PTK2: variants seen among roughly 807,000 people sequenced by gnomAD.
PTK2 encodes the protein focal adhesion kinase 1.
In PTK2, 45 loss-of-function variants were observed where a neutral mutation model predicts 150.1. The observed-to-expected ratio is 0.30, with a 90% CI of 0.24 to 0.38. The LOEUF is 0.38. Among genes scored for constraint, PTK2 ranks in the 10% least tolerant of loss-of-function variants. PTK2 has a pLI of 1.00. For synonymous variants in PTK2, 432 were observed against 449.2 expected, an observed-to-expected ratio of 0.96 and a Z score of 0.48; for missense variants, 919 against 1,307.3, an observed-to-expected ratio of 0.70 and a Z score of 4.58.
chr8:140,849,485 G>A (rs756030550), intron 5 of PTK2, among the ~76,000 whole-genome samples: 1 of 152,170 alleles, frequency 6.6e-6, no homozygotes, highest in Non-Finnish European at 1.5e-5. Context: ...GCTATCATTT[G>A]TGAAACCAAA....
rs550819349 is a variant in PTK2 at position 140,803,899 on chromosome 8, G to C, written c.868-249C>G. Among the ~76,000 whole-genome samples, 5 of 152,344 alleles carry C rather than the reference G, an allele frequency of 3.3e-5. No homozygotes were observed. In the East Asian group the frequency reaches 9.6e-4, roughly 29 times the overall value. On this transcript the variant is annotated intron_variant, in intron 10 of 31. Coordinates refer to ENST00000522684, the Ensembl canonical transcript of PTK2. Reference sequence around the variant, plus strand: ...AGACCCATACATGAGTTGGATGAGTGAGAGTACAGTTACCACTGAGAGAGA... The same window carrying C: ...AGACCCATACATGAGTTGGATGAGTCAGAGTACAGTTACCACTGAGAGAGA...
At chr8:140,782,941 G>T (rs941792489) in intron 14 of PTK2, among the ~76,000 whole-genome samples, 1 of 152,054 alleles carries the variant, frequency 6.6e-6, no homozygotes, top group African/African-American at 2.4e-5. Flanking sequence ...TCAAGCTTTA[G>T]AAATGAGTCA....
intron 12 of PTK2, among the ~76,000 whole-genome samples, chr8:140,796,963 T>C (rs780297226): frequency 6.6e-6 from 1 of 152,212 alleles, no homozygotes; most frequent in Non-Finnish European, 1.5e-5. Flanking sequence ...CATGTATGCA[T>C]ACTCCCTCAT....
intron 22 of PTK2, among the ~76,000 whole-genome samples, chr8:140,731,610 C>T (rs1048689054): frequency 2.0e-5 from 3 of 152,060 alleles, no homozygotes; most frequent in Non-Finnish European, 4.4e-5. Context: ...AACAAATATA[C>T]AAGGCTGGGC....
chr8:140,693,029 G>C (rs2100024132), intron 26 of PTK2, among the ~76,000 whole-genome samples: 1 of 151,804 alleles, frequency 6.6e-6, no homozygotes, highest in African/African-American at 2.4e-5. Flanking sequence ...TTTAAGCATA[G>C]TATCACATTA....
chr8:140,956,516 T>C (rs2100181271), intron 1 of PTK2, among the ~76,000 whole-genome samples: 1 of 152,228 alleles, frequency 6.6e-6, no homozygotes, highest in Admixed American at 6.5e-5. Flanking sequence ...CACTTTTAAT[T>C]ATCATTGTAG....
intron 17 of PTK2, among the ~76,000 whole-genome samples, chr8:140,750,778 T>C (rs960057184): frequency 5.9e-5 from 9 of 152,036 alleles, no homozygotes; most frequent in African/African-American, 2.2e-4. Context: ...GTCAGAGGAA[T>C]GGAGGTGGAG....
chr8:140,835,954 T>C (rs1283119373), intron 7 of PTK2, among the ~76,000 whole-genome samples: 1 of 151,758 alleles, frequency 6.6e-6, no homozygotes, highest in East Asian at 1.9e-4. Context: ...GGGGAGTGAG[T>C]ACTCCCTGTG....
intron 4 of PTK2, among the ~76,000 whole-genome samples, chr8:140,877,421 T>TA (rs762552354): frequency 1.3e-5 from 2 of 152,198 alleles, no homozygotes; most frequent in Non-Finnish European, 2.9e-5. Context: ...ATCTAATTTT[T>TA]AAAACCTGTA....
chr8:140,660,335 G>C (rs1487488097), intron 31 of PTK2, among the ~76,000 whole-genome samples: 2 of 152,148 alleles, frequency 1.3e-5, no homozygotes, highest in African/African-American at 4.8e-5. Context: ...TAGTCTCCAA[G>C]CCAGGACAAA....
intron 1 of PTK2, among the ~76,000 whole-genome samples, chr8:140,990,002 G>A (rs1434532105): frequency 2.6e-5 from 4 of 152,084 alleles, no homozygotes; most frequent in Non-Finnish European, 5.9e-5. Flanking sequence ...CAAAAGGGGT[G>A]CAGAGGGGAG....
At chr8:140,915,108 T>G (rs1317271942) in intron 2 of PTK2, among the ~76,000 whole-genome samples, 2 of 150,480 alleles carry the variant, frequency 1.3e-5, no homozygotes, top group African/African-American at 4.9e-5. Flanking sequence ...ACAGATAGGA[T>G]TCCCTTGTCT....
chr8:140,675,360 A>G, intron 28 of PTK2, 100 bp downstream of exon 31: 1 of 1,305,168 alleles, frequency 7.7e-7, no homozygotes, highest in Non-Finnish European at 1.1e-6. Context: ...AGGAAAAATT[A>G]ACCATGAGGG....
chr8:140,705,607 A>G (rs986457137), intron 24 of PTK2, among the ~76,000 whole-genome samples: 1 of 152,218 alleles, frequency 6.6e-6, no homozygotes, highest in Non-Finnish European at 1.5e-5. Flanking sequence ...TACCCCAGTA[A>G]AAGTTAATAA....
At chr8:140,818,895 G>C (rs1405432193) in exon 9 of PTK2, 1 of 1,613,294 alleles carries the variant, frequency 6.2e-7, no homozygotes. Context: ...GAGCACACTT[G>C]AAGCATTCCT....
chr8:140,669,584 G>T, intron 29 of PTK2, 143 bp downstream of exon 33: 1 of 796,168 alleles, frequency 1.3e-6, no homozygotes, highest in Non-Finnish European at 2.0e-6. Flanking sequence ...ACTGCTTTTG[G>T]CATCTGTCAG....
At chr8:140,900,922 T>C (rs769098051) in intron 2 of PTK2, among the ~76,000 whole-genome samples, 11 of 151,874 alleles carry the variant, frequency 7.2e-5, no homozygotes, top group Non-Finnish European at 1.5e-4. Context: ...AAAATTTATA[T>C]GGAACCACAA....
rs546247206 is a variant in PTK2 at position 140,878,375 on chromosome 8, A to G, written c.362+1096T>C. Among the ~76,000 whole-genome samples the G allele has an allele frequency of 2.0e-5, 3 of 152,300 alleles. No homozygotes were observed. The South Asian group carries it at 6.2e-4, about 32-fold the overall frequency. ...AACACTTTGGGAGGCCAAGGTGGGC[A>G]GACTGTTTGAGCCCAGGAGTTTGAG... is the stretch of plus-strand genomic sequence containing the variant. On this transcript the variant is annotated intron_variant, in intron 4 of 31. Coordinates refer to ENST00000522684, the Ensembl canonical transcript of PTK2.
intron 4 of PTK2, among the ~76,000 whole-genome samples, chr8:140,867,250 A>C (rs1462238562): frequency 6.6e-6 from 1 of 152,206 alleles, no homozygotes; most frequent in African/African-American, 2.4e-5. Flanking sequence ...ATGGGGACCA[A>C]AGGAAGAAGG....
Sources: gnomAD v4.1 joint callset for allele counts (sites outside exome capture counted in the v4.1 genomes callset) on GRCh38, gnomAD v4.1.1 for gene constraint, MANE v1.5 for transcripts, NCBI Gene and HGNC (gene_info 2026-07-23, HGNC 2026-07-21) for gene names.